Variants in RBFOX1 observed in about 807,000 individuals in gnomAD.
The protein encoded by RBFOX1 is RNA binding fox-1 homolog 1.
RBFOX1 carries 8 observed loss-of-function variants against 57.7 expected under a neutral mutation model. That is an observed-to-expected ratio of 0.14 (90% CI 0.08 to 0.25). RBFOX1 has a LOEUF of 0.25. Ranked by LOEUF, RBFOX1 falls within the 10% of genes least tolerant of loss-of-function variation. The pLI, the probability that RBFOX1 is intolerant of heterozygous loss-of-function variation, is 1.00. For missense variants in RBFOX1, 611 were observed against 548.5 expected (o/e 1.11, Z -1.14); for synonymous variants, 326 against 222.4 (o/e 1.47, Z -4.15).
At chr16:7,294,650 G>A (rs1603539900) in intron 4 of RBFOX1, among the ~76,000 whole-genome samples, 1 of 152,176 alleles carries the variant, frequency 6.6e-6, no homozygotes, top group East Asian at 1.9e-4. Flanking sequence ...AATTTCATAT[G>A]ATAAAATTAG....
At chr16:6,882,480 G>C (rs2063149365) in intron 3 of RBFOX1, among the ~76,000 whole-genome samples, 1 of 152,066 alleles carries the variant, frequency 6.6e-6, no homozygotes, top group Non-Finnish European at 1.5e-5. Context: ...TGTAATCCCA[G>C]CTACTCCGGA....
intron 4 of RBFOX1, among the ~76,000 whole-genome samples, chr16:7,483,400 A>G (rs978002971): frequency 6.6e-5 from 10 of 152,316 alleles, no homozygotes; most frequent in Non-Finnish European, 1.2e-4. Context: ...CATTTCCCTT[A>G]CTTGTGAAAG....
intron 3 of RBFOX1, among the ~76,000 whole-genome samples, chr16:6,778,047 C>G (rs1332220763): frequency 6.6e-6 from 1 of 152,082 alleles, no homozygotes; most frequent in Non-Finnish European, 1.5e-5. Context: ...TGGGATAAAT[C>G]TTGTCATTTC....
At chr16:6,980,635 G>A (rs1428609921) in intron 3 of RBFOX1, among the ~76,000 whole-genome samples, 1 of 152,120 alleles carries the variant, frequency 6.6e-6, no homozygotes, top group Non-Finnish European at 1.5e-5. Flanking sequence ...ATTATCAGAA[G>A]GTGTTGGTAT....
At chr16:7,651,709 T>C (rs1046123961) in intron 11 of RBFOX1, among the ~76,000 whole-genome samples, 1 of 152,160 alleles carries the variant, frequency 6.6e-6, no homozygotes, top group Non-Finnish European at 1.5e-5. Flanking sequence ...CTTGAGAGGT[T>C]TGCTCTTCTG....
chr16:7,164,356 A>G (rs1281588621), intron 4 of RBFOX1, among the ~76,000 whole-genome samples: 2 of 151,960 alleles, frequency 1.3e-5, no homozygotes, highest in Non-Finnish European at 2.9e-5. Context: ...TTCTTGATCC[A>G]CTCATTGGCT....
At chr16:7,048,053 A>G (rs1211660048) in intron 3 of RBFOX1, among the ~76,000 whole-genome samples, 1 of 151,464 alleles carries the variant, frequency 6.6e-6, no homozygotes, top group African/African-American at 2.4e-5. Flanking sequence ...TAATTTTTGT[A>G]TTTTTAGTAG....
chr16:5,861,527 G>C (rs965854501), intron 3 of RBFOX1, among the ~76,000 whole-genome samples: 1 of 152,204 alleles, frequency 6.6e-6, no homozygotes, highest in African/African-American at 2.4e-5. Flanking sequence ...TCCCACCTGG[G>C]ACTCCTACAT....
At chr16:5,973,085 G>A (rs1048729668) in intron 4 of RBFOX1, among the ~76,000 whole-genome samples, 1 of 152,178 alleles carries the variant, frequency 6.6e-6, no homozygotes, top group Non-Finnish European at 1.5e-5. Context: ...AGAGTCAGCT[G>A]ACTACCTGCT....
In RBFOX1 at chr16:5,656,646, A is replaced by C. The variant is rs539400025; in HGVS notation, c.318+57685A>C. On this transcript the variant is annotated intron_variant, in intron 3 of 19. Coordinates refer to the RBFOX1 transcript ENST00000641259. ...CATGTAAATTAAGAACACTTAACAT[A>C]AGATCTGTAGCTCTTATAGCCATAC... Among the ~76,000 whole-genome samples the C allele has an allele frequency of 2.6e-5, 4 of 152,356 alleles. No homozygotes were observed. The East Asian group carries it at 5.8e-4, about 22-fold the overall frequency.
At chr16:5,832,046 G>A (rs117551849) in intron 3 of RBFOX1, among the ~76,000 whole-genome samples, 7 of 152,308 alleles carry the variant, frequency 4.6e-5, no homozygotes, top group Admixed American at 1.3e-4. Context: ...ACCCCAGTCA[G>A]CATCAGACCA....
chr16:7,693,213 G>GC, intron 14 of RBFOX1: 1 of 903,350 alleles, frequency 1.1e-6, no homozygotes, highest in Non-Finnish European at 1.8e-6. Flanking sequence ...CCATTCACAC[G>GC]CAGCACCCTT....
At chr16:5,988,984 C>G (rs143583726) in intron 4 of RBFOX1, among the ~76,000 whole-genome samples, 6 of 152,156 alleles carry the variant, frequency 3.9e-5, no homozygotes, top group African/African-American at 1.2e-4. Context: ...GTTGCTTACC[C>G]TCTCTGGATT....
chr16:6,859,814 T>C (rs1449590831), intron 3 of RBFOX1, among the ~76,000 whole-genome samples: 1 of 151,018 alleles, frequency 6.6e-6, no homozygotes, highest in Non-Finnish European at 1.5e-5. Flanking sequence ...ATATTTTTTC[T>C]GCCATTCTTG....
intron 4 of RBFOX1, among the ~76,000 whole-genome samples, chr16:7,474,236 G>A (rs1168531980): frequency 2.0e-5 from 3 of 151,998 alleles, no homozygotes; most frequent in East Asian, 1.9e-4. Context: ...GCAGTGAGCC[G>A]AGATCGCGCC....
chr16:6,270,007 C>T (rs901354627), intron 1 of RBFOX1, among the ~76,000 whole-genome samples: 2 of 152,110 alleles, frequency 1.3e-5, no homozygotes, highest in South Asian at 2.1e-4. Context: ...CTGGTGAAAA[C>T]ATAGCACCAG....
chr16:5,255,566 G>A (rs969031240), intron 1 of RBFOX1, among the ~76,000 whole-genome samples: 2 of 150,678 alleles, frequency 1.3e-5, no homozygotes, highest in Non-Finnish European at 3.0e-5. Context: ...CCACCCACCC[G>A]TCCATCCATT....
intron 3 of RBFOX1, among the ~76,000 whole-genome samples, chr16:5,816,420 C>A (rs964614202): frequency 2.0e-5 from 3 of 152,180 alleles, no homozygotes; most frequent in Non-Finnish European, 2.9e-5. Context: ...AAGGATGACA[C>A]TGACTGCCAA....
At chr16:7,165,379 ACT>A (rs2079212031) in intron 4 of RBFOX1, among the ~76,000 whole-genome samples, 1 of 65,246 alleles carries the variant, frequency 1.5e-5, no homozygotes, top group Non-Finnish European at 3.4e-5. Flanking sequence ...CCAGATCATA[ACT>A]CTTCTGTAAT....
Sources: gnomAD v4.1 joint callset for allele counts (sites outside exome capture counted in the v4.1 genomes callset) on GRCh38, gnomAD v4.1.1 for gene constraint, MANE v1.5 for transcripts, NCBI Gene and HGNC (gene_info 2026-07-23, HGNC 2026-07-21) for gene names.